The following RAB11FIP4 variants were observed in gnomAD, a reference collection of about 807,000 sequenced individuals.
The protein encoded by RAB11FIP4 is RAB11 family interacting protein 4, also known as rab11 family-interacting protein 4.
Under a neutral mutation model 74.3 loss-of-function variants are expected in RAB11FIP4, and 23 were observed. The observed-to-expected ratio is 0.31, with a 90% CI of 0.22 to 0.44. The LOEUF (loss-of-function observed/expected upper bound fraction) is 0.44. Ranked by LOEUF, RAB11FIP4 falls within the 20% of genes least tolerant of loss-of-function variation. RAB11FIP4 has a pLI of 1.00. For missense variants in RAB11FIP4, 630 were observed against 863.9 expected (o/e 0.73, Z 3.39); for synonymous variants, 360 against 359.9 (o/e 1.00, Z 0.00).
Position 31,521,895 on chromosome 17 carries a change from T to C in RAB11FIP4, c.759-20T>C. 1 of 1,613,910 alleles carries C rather than the reference T, an allele frequency of 6.2e-7. No homozygotes were observed. The highest frequency in any genetic ancestry group is 8.5e-7 in the Non-Finnish European group (1 of 1,179,890). On this transcript the variant is annotated intron_variant, in intron 5 of 14. Coordinates refer to ENST00000621161, the MANE Select transcript of RAB11FIP4 (RefSeq NM_032932.6). ...ACTGGACAGCAGTTAAGGTGGTGAT[T>C]CCTTTCCCTCATGAATCAGTGCGGG...
rs1342452649 is a variant in RAB11FIP4, at chr17:31,532,527, G to A, written c.*795G>A. The A allele has an allele frequency of 1.3e-5, 2 of 152,630 alleles. No homozygotes were observed. Among genetic ancestry groups the A allele is most frequent in the Non-Finnish European group, 2.9e-5 (2 of 68,040 alleles). The allele number at this position is 152,630 out of a possible 1,614,324, so 9.5% of individuals were successfully genotyped here. A position where few individuals can be genotyped will look rare whatever the true frequency, so the allele number is the denominator to read the frequency against. ...AAGGGATAAAAATGAAGGAGAAGGA[G>A]GGTTTGGGATGGGTGTCTAAGGCAG... is the stretch of plus-strand genomic sequence containing the variant. On this transcript the variant is annotated 3_prime_UTR_variant, in exon 15 of 15. Transcript: ENST00000621161.
chr17:31,425,518 GCAACGAAGCTTTTTAACAT>G (rs1192827598), intron 1 of RAB11FIP4, among the ~76,000 whole-genome samples: 1 of 152,184 alleles, frequency 6.6e-6, no homozygotes, highest in Non-Finnish European at 1.5e-5. Flanking sequence ...GACAGCAACG[GCAACGAAGCTTTTTAACAT>G]CATCTGGTCT....
At chr17:31,523,689 C>A in intron 8 of RAB11FIP4, 78 bp downstream of exon 8, 2 of 1,414,476 alleles carry the variant, frequency 1.4e-6, no homozygotes, top group South Asian at 1.1e-5. Flanking sequence ...AGGCTACTGT[C>A]TGGGGACTTG....
At chr17:31,521,409 A>AATTTAAGCAC in intron 5 of RAB11FIP4, 49 bp downstream of exon 5, 1 of 1,525,304 alleles carries the variant, frequency 6.6e-7, no homozygotes, top group Non-Finnish European at 8.9e-7. Flanking sequence ...TTGCAGAAGC[A>AATTTAAGCAC]ATTTAAGCAC....
intron 3 of RAB11FIP4, among the ~76,000 whole-genome samples, chr17:31,503,142 C>T (rs1328761518): frequency 6.6e-6 from 1 of 152,158 alleles, no homozygotes; most frequent in Non-Finnish European, 1.5e-5. Flanking sequence ...AAGTGATTCT[C>T]CTGCCTCAGC....
At chr17:31,393,220 G>C (rs1398622067) in intron 1 of RAB11FIP4, among the ~76,000 whole-genome samples, 1 of 152,262 alleles carries the variant, frequency 6.6e-6, no homozygotes, top group East Asian at 1.9e-4. Flanking sequence ...CAGTGCCTGT[G>C]AGAGCCCAGA....
rs1213382436 is a variant in RAB11FIP4, at chr17:31,448,392, A to ATTTTTTTTTTTTTTTTTTTTTTTTTT, written c.336+14289_336+14290insTTTTTTTTTTTTTTTTTTTTTTTTTT. Reference sequence around the variant, plus strand: ...AGGCTCATACCACCACATCCAGCTAATTTTTTTTTTTTTTTTTTTGGCAGA... The same window carrying ATTTTTTTTTTTTTTTTTTTTTTTTTT: ...AGGCTCATACCACCACATCCAGCTAATTTTTTTTTTTTTTTTTTTTTTTTTTTTTTTTTTTTTTTTTTTTTGGCAGA... On this transcript the variant is annotated intron_variant, in intron 3 of 14. Coordinates refer to ENST00000621161, the MANE Select transcript of RAB11FIP4 (RefSeq NM_032932.6). 2 of 79,832 alleles carry ATTTTTTTTTTTTTTTTTTTTTTTTTT rather than the reference A, an allele frequency of 2.5e-5. 1 individual carries two copies. The highest frequency in any genetic ancestry group is 1.2e-4 in the African/African-American group (2 of 17,006). The allele number at this position is 79,832 out of a possible 1,614,324, so 4.9% of individuals were successfully genotyped here.
chr17:31,527,569 G>A (rs994387038), intron 10 of RAB11FIP4: 1 of 362,896 alleles, frequency 2.8e-6, no homozygotes, highest in African/African-American at 2.1e-5. Flanking sequence ...ACTCCAGCCT[G>A]GGCAACAGAG....
At chr17:31,445,764 T>A (rs2071458173) in intron 3 of RAB11FIP4, among the ~76,000 whole-genome samples, 1 of 150,324 alleles carries the variant, frequency 6.7e-6, no homozygotes, top group Admixed American at 6.6e-5. Flanking sequence ...TTTTTTTTTG[T>A]ATTTTTAGTA....
At chr17:31,441,068 A>G (rs544878363) in intron 3 of RAB11FIP4, among the ~76,000 whole-genome samples, 2 of 152,072 alleles carry the variant, frequency 1.3e-5, no homozygotes, top group Non-Finnish European at 2.9e-5. Flanking sequence ...GTTATTGCCC[A>G]GGCTGGAGTG....
At chr17:31,515,544 G>A (rs2072530972) in intron 3 of RAB11FIP4, among the ~76,000 whole-genome samples, 1 of 152,008 alleles carries the variant, frequency 6.6e-6, no homozygotes, top group African/African-American at 2.4e-5. Flanking sequence ...GCAGACGGCT[G>A]CACATGTCTG....
At chr17:31,403,084 C>G (rs2071008636) in intron 1 of RAB11FIP4, among the ~76,000 whole-genome samples, 1 of 151,202 alleles carries the variant, frequency 6.6e-6, no homozygotes, top group African/African-American at 2.4e-5. Context: ...TGCATCATTT[C>G]TTCACCGCCC....
intron 1 of RAB11FIP4, among the ~76,000 whole-genome samples, chr17:31,422,048 C>A (rs914973164): frequency 6.6e-6 from 1 of 151,952 alleles, no homozygotes; most frequent in Non-Finnish European, 1.5e-5. Context: ...GTTGACATAT[C>A]CCTGTAGTCC....
chr17:31,527,009 G>T (rs1359998976), intron 10 of RAB11FIP4: 1 of 152,218 alleles, frequency 6.6e-6, no homozygotes, highest in African/African-American at 2.4e-5. Flanking sequence ...TGGAATTCCT[G>T]TGTGAACGCT....
chr17:31,503,069 G>A (rs1232083541), intron 3 of RAB11FIP4, among the ~76,000 whole-genome samples: 7 of 151,988 alleles, frequency 4.6e-5, no homozygotes. Flanking sequence ...GTCTTGCTCT[G>A]TTGCCCAGGC....
chr17:31,471,820 A>T (rs541793445), intron 3 of RAB11FIP4, among the ~76,000 whole-genome samples: 2 of 152,188 alleles, frequency 1.3e-5, no homozygotes, highest in Non-Finnish European at 2.9e-5. Flanking sequence ...TGTGTCTGAA[A>T]CAGGGAGCCT....
At chr17:31,438,264 G>T (rs2071378287) in intron 3 of RAB11FIP4, among the ~76,000 whole-genome samples, 1 of 152,076 alleles carries the variant, frequency 6.6e-6, no homozygotes, top group African/African-American at 2.4e-5. Flanking sequence ...TGGGATAGTT[G>T]CTAGGGGCCC....
At chr17:31,502,421 A>G (rs1486203781) in intron 3 of RAB11FIP4, among the ~76,000 whole-genome samples, 2 of 150,530 alleles carry the variant, frequency 1.3e-5, no homozygotes, top group African/African-American at 2.4e-5. Flanking sequence ...TCTACTAAAA[A>G]TACAAAAATT....
intron 9 of RAB11FIP4, chr17:31,524,855 G>A (rs780128332): frequency 3.5e-5 from 21 of 601,554 alleles, no homozygotes; most frequent in African/African-American, 7.4e-5. Flanking sequence ...TCCCTGTGCT[G>A]CCCTGAGCGC....
Sources: allele counts gnomAD v4.1 joint callset (sites outside exome capture counted in the v4.1 genomes callset), GRCh38; gene constraint gnomAD v4.1.1; transcripts MANE v1.5; gene names NCBI Gene and HGNC (gene_info 2026-07-23, HGNC 2026-07-21).